ASPG: variants seen among roughly 807,000 people sequenced by gnomAD.
ASPG encodes 60 kDa lysophospholipase.
A neutral mutation model predicts 63.2 loss-of-function variants in ASPG; 53 were observed. That is an observed-to-expected ratio of 0.84 (90% CI 0.67 to 1.05). The LOEUF (loss-of-function observed/expected upper bound fraction) is 1.05. Ranked by LOEUF, ASPG falls within the 50% of genes least tolerant of loss-of-function variation. The probability of loss-of-function intolerance (pLI) is 0.00; values close to 1 mark genes in which losing one functional copy is unlikely to be tolerated. For synonymous variants in ASPG, 370 were observed against 355.0 expected, an observed-to-expected ratio of 1.04 and a Z score of -0.48; for missense variants, 741 against 794.4, an observed-to-expected ratio of 0.93 and a Z score of 0.81.
chr14:104,107,384 G>C, intron 12 of ASPG, 39 bp downstream of exon 12: 1 of 1,400,010 alleles, frequency 7.1e-7, no homozygotes, highest in South Asian at 1.7e-5. Flanking sequence ...CCTTGGACAG[G>C]TGGGCGCAGA....
At position 104,106,822 on chromosome 14, in the gene ASPG, C is replaced by A; in HGVS notation, c.1197C>A (p.Ala399=). 6.2e-7 allele frequency: 1 copy of A among 1,600,822 alleles called. No individual in the cohort carries two copies. Among genetic ancestry groups the A allele is most frequent in the Non-Finnish European group, 8.5e-7 (1 of 1,175,240 alleles). ...GSQEADALRN[A]LVPSLACAAA... is the part of the protein sequence containing the mutation. ...AGGAGGCAGATGCCCTGCGGAATGC[C>A]CTGGTGCCCAGCCTGGCCTGTGCTG... is the stretch of plus-strand genomic sequence containing the variant. Residue 399 remains alanine, a synonymous_variant, in exon 11 of 16, where the codon GCC becomes GCA. Transcript: ENST00000551177.
intron 6 of ASPG, 118 bp downstream of exon 6, chr14:104,099,097 G>A: frequency 3.5e-6 from 5 of 1,446,340 alleles, no homozygotes; most frequent in Non-Finnish European, 4.6e-6. Context: ...GCTTGGTTCT[G>A]ACTTGCCCTG....
intron 6 of ASPG, among the ~76,000 whole-genome samples, chr14:104,102,454 C>T (rs962108889): frequency 2.0e-5 from 3 of 152,154 alleles, no homozygotes; most frequent in Non-Finnish European, 2.9e-5. Flanking sequence ...GGTTCCTGTC[C>T]CAGCACCGTG....
At position 104,103,580 on chromosome 14, in the gene ASPG, C is replaced by G. The variant is rs759937851; in HGVS notation, c.658C>G (p.Arg220Gly). 2 of 1,547,956 alleles carry G rather than the reference C, an allele frequency of 1.3e-6. No homozygotes were observed. The highest frequency in any genetic ancestry group is 1.7e-6 in the Non-Finnish European group (2 of 1,146,720). The part of the protein sequence containing the change: ...ADITINRELV[R>G]KVDGKAGLVV... ...GTCCTCAGTCAACAGGGAGCTGGTG[C>G]GGAAGGTGGACGGGAAGGCTGGGCT... The change falls in exon 7 of 16, where the codon CGG becomes GGG. Residue 220 changes from arginine (R) to glycine (G), a missense_variant. Coordinates refer to ENST00000551177, the MANE Select transcript of ASPG (RefSeq NM_001080464.3).
At chr14:104,089,350 C>A (rs1431009644) in intron 1 of ASPG, among the ~76,000 whole-genome samples, 1 of 149,756 alleles carries the variant, frequency 6.7e-6, no homozygotes, top group Non-Finnish European at 1.5e-5. Flanking sequence ...CCTGTCTCTA[C>A]TAAAAATACA....
At chr14:104,103,426 C>T (rs1214340309) in intron 6 of ASPG, 137 bp from the exon 7 acceptor site, 14 of 716,334 alleles carry the variant, frequency 2.0e-5, no homozygotes, top group Non-Finnish European at 3.0e-5. Context: ...GGAGGCAGGG[C>T]GAGGGGGCTG....
chr14:104,107,820 G>T (rs1288525130), intron 12 of ASPG, among the ~76,000 whole-genome samples: 1 of 152,190 alleles, frequency 6.6e-6, no homozygotes, highest in Non-Finnish European at 1.5e-5. Flanking sequence ...GCCCCTGCGT[G>T]GGGGGCGGGG....
At chr14:104,112,488 C>T (rs1342619370) in intron 15 of ASPG, 36 bp from the exon 16 acceptor site, 2 of 1,174,850 alleles carry the variant, frequency 1.7e-6, no homozygotes, top group Non-Finnish European at 2.6e-6. Context: ...TCGCACTCTA[C>T]CTGGGTGTCC....
At chr14:104,098,054 AGAGATGCGTATGGAGGTTTTG>A (rs1566830398) in intron 5 of ASPG, among the ~76,000 whole-genome samples, 1,441 of 90,500 alleles carry the variant, frequency 0.016, 459 homozygotes, top group Non-Finnish European at 0.022. Context: ...GTTTTGCGTT[AGAGATGCGTATGGAGGTTTTG>A]CGTTAGAGAT....
rs778215222 is a variant in ASPG, at chr14:104,106,909, CCCTGGGGGCCCAGCCCCAGCCACGCCTGG to C, written c.1269+25_1269+53del. On this transcript the variant is annotated intron_variant, in intron 11 of 15. Coordinates refer to ENST00000551177, the MANE Select transcript of ASPG (RefSeq NM_001080464.3). ...TTGTGGAGCTGGTGAGCCTCCCCCA[CCCTGGGGGCCCAGCCCCAGCCACGCCTGG>C]CCTGGGGGCTCTGAACCCTGTAGGC... is the stretch of plus-strand genomic sequence containing the variant. 7.1e-6 allele frequency: 11 copies of C among 1,556,904 alleles called. No homozygotes were observed. The highest frequency in any genetic ancestry group is 9.5e-6 in the Non-Finnish European group (11 of 1,154,100).
At chr14:104,102,452 T>TC (rs1388249630) in intron 6 of ASPG, among the ~76,000 whole-genome samples, 7 of 152,128 alleles carry the variant, frequency 4.6e-5, no homozygotes, top group Non-Finnish European at 7.4e-5. Flanking sequence ...CAGGTTCCTG[T>TC]CCCAGCACCG....
At chr14:104,107,116 T>A (rs950068122) in intron 11 of ASPG, 66 bp from the exon 12 acceptor site, 2 of 1,508,876 alleles carry the variant, frequency 1.3e-6, no homozygotes, top group African/African-American at 2.8e-5. Flanking sequence ...GACCCCACCC[T>A]CCCCATGGCC....
chr14:104,112,452 C>A (rs547738864), intron 15 of ASPG, 72 bp from the exon 16 acceptor site: 310 of 892,336 alleles, frequency 3.5e-4, no homozygotes, highest in Admixed American at 7.9e-4. Context: ...AGACGGGGTG[C>A]CTGGGCTTGT....
Position 104,098,961 on chromosome 14 carries a change from G to A in ASPG, c.622G>A (p.Val208Met). The A allele has an allele frequency of 6.3e-7, 1 of 1,598,296 alleles. No individual in the cohort carries two copies. Residue 208 changes from valine (V) to methionine (M), a missense_variant, in exon 6 of 16, where the codon GTG becomes ATG. By Grantham distance (21) the Val-to-Met change is conservative. Transcript: ENST00000551177. ...CSPNLLPLAT[V>M]GADITINREL... ...CCCGAACCTGCTGCCTCTGGCCACA[G>A]TGGGTGCTGACATCACAAGTAAGCC...
At position 104,103,591 on chromosome 14, in the gene ASPG, C is replaced by G; in HGVS notation, c.669C>G (p.Asp223Glu). Residue 223 changes from aspartate to glutamate, a missense_variant, in exon 7 of 16, where the codon GAC (aspartate) becomes GAG (glutamate). Coordinates refer to ENST00000551177, the MANE Select transcript of ASPG (RefSeq NM_001080464.3). The stretch of plus-strand genomic sequence containing the variant: ...ACAGGGAGCTGGTGCGGAAGGTGGA[C>G]GGGAAGGCTGGGCTGGTGGTGCACA... ...TINRELVRKV[D>E]GKAGLVVHSS... The G allele has an allele frequency of 6.5e-7, 1 of 1,548,106 alleles. No homozygotes were observed. The highest frequency in any genetic ancestry group is 8.7e-7 in the Non-Finnish European group (1 of 1,146,734).
chr14:104,099,814 C>A (rs1041914265), intron 6 of ASPG, among the ~76,000 whole-genome samples: 9 of 152,268 alleles, frequency 5.9e-5, no homozygotes, highest in African/African-American at 1.9e-4. Flanking sequence ...TCCTGACTGA[C>A]TGAGGTGGGG....
At chr14:104,102,495 C>T (rs2141024671) in intron 6 of ASPG, among the ~76,000 whole-genome samples, 1 of 152,284 alleles carries the variant, frequency 6.6e-6, no homozygotes, top group Admixed American at 6.5e-5. Context: ...GGCCCTTCCC[C>T]ACCCCTGGGC....
intron 6 of ASPG, among the ~76,000 whole-genome samples, chr14:104,101,460 C>T (rs375371857): frequency 5.9e-5 from 9 of 152,008 alleles, no homozygotes; most frequent in Middle Eastern, 3.4e-3. Context: ...ACAGTCGGCT[C>T]GGCGCCAAGG....
At position 104,107,339 on chromosome 14, in the gene ASPG, G is replaced by A. The variant is rs543371867; in HGVS notation, c.1427G>A (p.Arg476Gln). 24 of 1,577,438 alleles carry A rather than the reference G, an allele frequency of 1.5e-5. No homozygotes were observed. Among genetic ancestry groups the A allele is most frequent in the African/African-American group, 5.4e-5 (4 of 74,334 alleles). ...TTCAGCCCGCTGCTGCTGGCCGTGC[G>A]GGGCAGGTAATGGAGCTAGGGCTGC... ...DGFSPLLLAV[R>Q]GRHPGVIGLL... Residue 476 changes from arginine (R) to glutamine (Q), a missense_variant, in exon 12 of 16, where the codon CGG (arginine) becomes CAG (glutamine). Arg to Gln is a conservative substitution (Grantham distance 43, BLOSUM62 1). Transcript: ENST00000551177.
Sources: gnomAD v4.1 joint callset for allele counts (sites outside exome capture counted in the v4.1 genomes callset) on GRCh38, gnomAD v4.1.1 for gene constraint, MANE v1.5 for transcripts, NCBI Gene and HGNC (gene_info 2026-07-23, HGNC 2026-07-21) for gene names.